The following MDN1 variants were observed in gnomAD, a reference collection of about 807,000 sequenced individuals.
MDN1 encodes the protein midasin AAA ATPase 1.
A neutral mutation model predicts 669.2 loss-of-function variants in MDN1; 266 were observed. The ratio of observed to expected loss-of-function variants is 0.40; its 90% CI spans 0.36 to 0.44. The LOEUF (loss-of-function observed/expected upper bound fraction) is 0.44, where lower values mean the gene tolerates loss of function less well. Ranked by LOEUF, MDN1 falls within the 20% of genes least tolerant of loss-of-function variation. The pLI is 1.00. For missense variants in MDN1, 5,940 were observed against 6,754.0 expected (o/e 0.88, Z 4.22); for synonymous variants, 2,385 against 2,457.1 (o/e 0.97, Z 0.87).
chr6:89,747,603 AT>A (rs138390895), intron 26 of MDN1, 133 bp from the exon 27 acceptor site: 6 of 1,112,316 alleles, frequency 5.4e-6, no homozygotes, highest in Admixed American at 5.8e-5. Flanking sequence ...AATAAGATTA[AT>A]TTTTTGGCCG....
chr6:89,812,516 GAA>G (rs947983517), intron 1 of MDN1, among the ~76,000 whole-genome samples: 2 of 151,696 alleles, frequency 1.3e-5, no homozygotes, highest in Non-Finnish European at 2.9e-5. Context: ...AATAGAAAAG[GAA>G]AAAAAGTCTT....
chr6:89,719,533 A>G (rs1012928690), intron 40 of MDN1, among the ~76,000 whole-genome samples: 1 of 152,248 alleles, frequency 6.6e-6, no homozygotes, highest in Non-Finnish European at 1.5e-5. Context: ...AGACAAAAAA[A>G]GAGTTGTTTG....
intron 74 of MDN1, among the ~76,000 whole-genome samples, chr6:89,679,820 G>A (rs552271097): frequency 1.5e-4 from 23 of 152,358 alleles, no homozygotes; most frequent in African/African-American, 5.1e-4. Context: ...ATCAGACAGT[G>A]TGGGAGAGTT....
chr6:89,707,675 A>G (rs1813609676), intron 51 of MDN1, among the ~76,000 whole-genome samples, 199 bp from the exon 52 acceptor site: 2 of 152,144 alleles, frequency 1.3e-5, no homozygotes, highest in African/African-American at 4.8e-5. Flanking sequence ...ATGGATGGAG[A>G]AAGCTGGGTC....
At chr6:89,802,405 C>T (rs2128329002) in intron 2 of MDN1, among the ~76,000 whole-genome samples, 1 of 152,350 alleles carries the variant, frequency 6.6e-6, no homozygotes, top group East Asian at 1.9e-4. Context: ...GTTCTGTTGG[C>T]CGGGCACAGT....
At chr6:89,766,281 A>G (rs1287915059) in intron 15 of MDN1, among the ~76,000 whole-genome samples, 1 of 152,110 alleles carries the variant, frequency 6.6e-6, no homozygotes, top group African/African-American at 2.4e-5. Flanking sequence ...CCTGGGCGAC[A>G]GAGTTAGACT....
intron 83 of MDN1, among the ~76,000 whole-genome samples, chr6:89,670,072 A>C (rs1358946638): frequency 7.2e-6 from 1 of 139,124 alleles, no homozygotes; most frequent in Non-Finnish European, 1.5e-5. Flanking sequence ...GCGTGGTGGC[A>C]CGTGCCTGTA....
chr6:89,810,329 G>C (rs1179738459), intron 1 of MDN1, among the ~76,000 whole-genome samples: 1 of 152,040 alleles, frequency 6.6e-6, no homozygotes, highest in African/African-American at 2.4e-5. Context: ...CCAGCTACCA[G>C]GAAGGCTGAG....
intron 74 of MDN1, among the ~76,000 whole-genome samples, chr6:89,680,384 AC>A (rs1811527488): frequency 6.6e-6 from 1 of 152,246 alleles, no homozygotes; most frequent in African/African-American, 2.4e-5. Flanking sequence ...ACATGAGAGG[AC>A]GACAATGTGA....
At chr6:89,686,038 C>G in intron 69 of MDN1, 65 bp from the exon 70 acceptor site, 1 of 1,514,494 alleles carries the variant, frequency 6.6e-7, no homozygotes, top group Non-Finnish European at 9.0e-7. Context: ...TCCTAACATG[C>G]ACGCAATCTA....
At chr6:89,749,507 T>C (rs759505510) in intron 25 of MDN1, 36 bp downstream of exon 25, 1 of 1,608,180 alleles carries the variant, frequency 6.2e-7, no homozygotes, top group Non-Finnish European at 8.5e-7. Flanking sequence ...ATCTGATGTG[T>C]TAACAAATTG....
At chr6:89,750,061 T>C (rs981986001) in intron 24 of MDN1, among the ~76,000 whole-genome samples, 1 of 152,216 alleles carries the variant, frequency 6.6e-6, no homozygotes, top group African/African-American at 2.4e-5. Context: ...CCCAACTTCC[T>C]TTTGGCTAAC....
At chr6:89,671,226 A>T in intron 82 of MDN1, 146 bp from the exon 83 acceptor site, 2 of 752,298 alleles carry the variant, frequency 2.7e-6, no homozygotes, top group Non-Finnish European at 4.2e-6. Flanking sequence ...TGTGTTTGTA[A>T]CCTCCACCCA....
rs1812671704 is a variant in MDN1 at position 89,695,472 on chromosome 6, G to A, written c.9771+133C>T. ...AGTCTCTAAAACAGACTCCTGGGAA[G>A]TCATAAGGCAACTTATGCAATATCA... On this transcript the variant is annotated intron_variant, in intron 61 of 101. Coordinates refer to ENST00000369393, the MANE Select transcript of MDN1 (RefSeq NM_014611.3). The surrounding 1 kb of genome is among the most constrained non-coding windows in gnomAD (Gnocchi z 4.1). The A allele has an allele frequency of 8.6e-7, 1 of 1,160,972 alleles. No homozygotes were observed. Among genetic ancestry groups the A allele is most frequent in the East Asian group, 2.5e-5 (1 of 40,652 alleles). 71.9% of individuals were successfully genotyped at this position (1,160,972 alleles called of 1,614,324 possible).
At chr6:89,693,478 C>G (rs1346136976) in intron 62 of MDN1, among the ~76,000 whole-genome samples, 1 of 152,150 alleles carries the variant, frequency 6.6e-6, no homozygotes, top group Non-Finnish European at 1.5e-5. Flanking sequence ...TACCCAATGT[C>G]TAAAACCAAA....
chr6:89,804,929 G>A (rs975751199), intron 1 of MDN1, among the ~76,000 whole-genome samples: 11 of 150,812 alleles, frequency 7.3e-5, no homozygotes, highest in East Asian at 3.9e-4. Flanking sequence ...CCAGCTACTC[G>A]GGAGGCTGAG....
intron 45 of MDN1, 29 bp downstream of exon 45, chr6:89,715,624 T>C (rs769240712): frequency 7.1e-6 from 10 of 1,399,314 alleles, no homozygotes; most frequent in Admixed American, 1.7e-5. Context: ...TGTCAGATTC[T>C]GAGGCAGAAA....
At chr6:89,668,172 AGTG>A in intron 83 of MDN1, 21 bp from the exon 84 acceptor site, 1 of 1,613,374 alleles carries the variant, frequency 6.2e-7, no homozygotes, top group South Asian at 1.1e-5. Context: ...AGAAAAAGGA[AGTG>A]AACAATTAGG....
At chr6:89,735,139 C>T (rs72915937) in intron 33 of MDN1, among the ~76,000 whole-genome samples, 27,404 of 151,878 alleles carry the variant, frequency 0.18, 2,796 homozygotes, top group South Asian at 0.31. Flanking sequence ...CTGCCCTCCT[C>T]GGCCTCCCAA....
Sources: allele counts gnomAD v4.1 joint callset (sites outside exome capture counted in the v4.1 genomes callset), GRCh38; gene constraint gnomAD v4.1.1; non-coding constraint Gnocchi (gnomAD v3.1); transcripts MANE v1.5; gene names NCBI Gene and HGNC (gene_info 2026-07-23, HGNC 2026-07-21).